Variants in FAM110B observed in about 807,000 individuals in gnomAD.
FAM110B encodes the protein family with sequence similarity 110 member B, also known as protein FAM110B.
A neutral mutation model predicts 20.4 loss-of-function variants in FAM110B; 6 were observed. The ratio of observed to expected loss-of-function variants is 0.29; its 90% CI spans 0.16 to 0.58. The LOEUF (loss-of-function observed/expected upper bound fraction) is 0.58, where lower values mean the gene tolerates loss of function less well. Ranked by LOEUF, FAM110B falls within the 20% of genes least tolerant of loss-of-function variation. The probability of loss-of-function intolerance (pLI) is 0.90; values close to 1 mark genes in which losing one functional copy is unlikely to be tolerated. For synonymous variants in FAM110B, 226 were observed against 214.1 expected (o/e 1.06, Z -0.49); for missense variants, 434 against 498.2 (o/e 0.87, Z 1.23).
At chr8:58,101,382 A>G (rs1044921498) in intron 3 of FAM110B, among the ~76,000 whole-genome samples, 2 of 152,184 alleles carry the variant, frequency 1.3e-5, no homozygotes, top group Non-Finnish European at 2.9e-5. Context: ...TCATTCATGT[A>G]CTTGCAGGGT....
rs138142337 is a variant in FAM110B at position 58,146,655 on chromosome 8, G to A, written c.425G>A (p.Arg142His). Residue 142 changes from arginine to histidine, a missense_variant, in exon 4 of 4, where the codon CGC (arginine) becomes CAC (histidine). Physicochemically the swap from Arg to His is conservative, Grantham distance 29. This residue lies in a region of FAM110B where 284 missense variants were observed against 278.3 expected (regional missense o/e 1.02). Transcript: ENST00000519262. ...GGCTCGGGGCACAAGCACAGCTCCC[G>A]CAACTGGCCGCCCCACCGGTCGGAA... is the stretch of plus-strand genomic sequence containing the variant. ...SSGSGHKHSS[R>H]NWPPHRSEAT... The A allele has an allele frequency of 4.3e-5, 70 of 1,612,862 alleles. No homozygotes were observed. The African/African-American group carries it at 8.0e-4, about 18-fold the overall frequency.
chr8:58,146,766 C>T lies in FAM110B; in HGVS notation c.536C>T (p.Ser179Phe), dbSNP rs1362282854. 9 of 1,611,626 alleles carry T rather than the reference C, an allele frequency of 5.6e-6. No individual in the cohort carries two copies. The highest frequency in any genetic ancestry group is 7.6e-6 in the Non-Finnish European group (9 of 1,178,812). Residue 179 changes from serine (S) to phenylalanine (F), a missense_variant, in exon 4 of 4, where the codon TCC becomes TTC. Physicochemically the swap from Ser to Phe is radical, Grantham distance 155. Around this residue, in one of 3 missense-constraint regions of FAM110B, gnomAD observed 284 missense variants for 278.3 expected, o/e 1.02. Coordinates refer to ENST00000519262, the MANE Select transcript of FAM110B (RefSeq NM_001377989.1). The stretch of plus-strand genomic sequence containing the variant: ...CGCAGGAGCCCGCAGGAGGGCGGCT[C>T]CCACGTGGGCAGGAGACTGCTGGAG... ...QGRRSPQEGG[S>F]HVGRRLLEQS...
At chr8:58,066,790 C>G (rs1422958678) in intron 2 of FAM110B, among the ~76,000 whole-genome samples, 2 of 152,204 alleles carry the variant, frequency 1.3e-5, no homozygotes, top group East Asian at 3.9e-4. Context: ...GGCTTGAGGT[C>G]CCCTGATAGA....
chr8:58,140,260 C>T (rs1269276903), intron 3 of FAM110B, among the ~76,000 whole-genome samples: 2 of 152,166 alleles, frequency 1.3e-5, no homozygotes, highest in Non-Finnish European at 2.9e-5. Flanking sequence ...GCCTCTTAAA[C>T]ATCTCTTGAA....
At chr8:58,099,298 C>T (rs903464155) in intron 3 of FAM110B, among the ~76,000 whole-genome samples, 1 of 151,852 alleles carries the variant, frequency 6.6e-6, no homozygotes, top group South Asian at 2.1e-4. Context: ...GATGAGCACC[C>T]AAATGCCGCT....
chr8:58,044,624 C>G (rs1805287064), intron 2 of FAM110B, among the ~76,000 whole-genome samples: 2 of 152,168 alleles, frequency 1.3e-5, no homozygotes, highest in Admixed American at 6.5e-5. Context: ...ATGGATGTTA[C>G]ACTTAACAAA....
chr8:58,076,488 G>A (rs561846694), intron 3 of FAM110B, among the ~76,000 whole-genome samples: 7 of 152,240 alleles, frequency 4.6e-5, no homozygotes, highest in Non-Finnish European at 5.9e-5. Flanking sequence ...TTTTCCCCAC[G>A]TCCCCACCAC....
At chr8:58,019,573 C>T (rs1033092907) in intron 1 of FAM110B, among the ~76,000 whole-genome samples, 1 of 151,776 alleles carries the variant, frequency 6.6e-6, no homozygotes, top group Non-Finnish European at 1.5e-5. Flanking sequence ...TTCATTTAGC[C>T]GAAAACTTCT....
intron 3 of FAM110B, among the ~76,000 whole-genome samples, chr8:58,134,889 CT>C (rs1008857981): frequency 7.9e-5 from 12 of 152,198 alleles, no homozygotes; most frequent in African/African-American, 2.6e-4. Context: ...AAAATCAAGG[CT>C]TTTTTTCGTC....
chr8:58,088,760 C>G (rs1250171086), intron 3 of FAM110B, among the ~76,000 whole-genome samples: 2 of 152,296 alleles, frequency 1.3e-5, no homozygotes, highest in East Asian at 3.9e-4. Flanking sequence ...AAGTGATATT[C>G]TGTCCAAAAA....
At chr8:58,082,804 A>C (rs1416157122) in intron 3 of FAM110B, among the ~76,000 whole-genome samples, 2 of 149,630 alleles carry the variant, frequency 1.3e-5, no homozygotes, top group Non-Finnish European at 3.0e-5. Context: ...ACATCTCCTC[A>C]TTGGTAGATG....
At chr8:58,074,323 G>A (rs1330785474) in intron 2 of FAM110B, among the ~76,000 whole-genome samples, 3 of 152,052 alleles carry the variant, frequency 2.0e-5, no homozygotes, top group Non-Finnish European at 4.4e-5. Context: ...TTCCATCGGT[G>A]GGCCCGTCCA....
intron 1 of FAM110B, among the ~76,000 whole-genome samples, chr8:58,007,933 A>G (rs562870294): frequency 2.0e-5 from 3 of 152,206 alleles, no homozygotes; most frequent in Non-Finnish European, 4.4e-5. Context: ...TTCTTTACAT[A>G]TTTATACGTA....
At chr8:58,047,074 A>T (rs1432875541) in intron 2 of FAM110B, among the ~76,000 whole-genome samples, 1 of 152,204 alleles carries the variant, frequency 6.6e-6, no homozygotes, top group East Asian at 1.9e-4. Context: ...AATATTGGTG[A>T]TGATAGGGGA....
chr8:58,021,434 A>C (rs1191341549), intron 1 of FAM110B, among the ~76,000 whole-genome samples: 1 of 152,196 alleles, frequency 6.6e-6, no homozygotes, highest in Non-Finnish European at 1.5e-5. Flanking sequence ...GGAACTGCCC[A>C]ATCACATGTA....
chr8:58,094,966 G>A (rs947897589), intron 3 of FAM110B, among the ~76,000 whole-genome samples: 22 of 152,118 alleles, frequency 1.4e-4, no homozygotes, highest in African/African-American at 5.3e-4. Flanking sequence ...TTTCTTCATG[G>A]TATAGACTTG....
At chr8:58,083,012 TA>T (rs771811665) in intron 3 of FAM110B, among the ~76,000 whole-genome samples, 7,859 of 136,820 alleles carry the variant, frequency 0.057, 663 homozygotes, top group African/African-American at 0.19. Context: ...CCCTGATTCT[TA>T]AAAAAAAAAA....
intron 2 of FAM110B, among the ~76,000 whole-genome samples, chr8:58,068,315 A>G (rs1387497684): frequency 6.6e-6 from 1 of 152,190 alleles, no homozygotes; most frequent in Non-Finnish European, 1.5e-5. Flanking sequence ...AATTATCTCC[A>G]TCATATTTTT....
chr8:58,074,429 C>A (rs1429730473), intron 2 of FAM110B, among the ~76,000 whole-genome samples: 1 of 152,192 alleles, frequency 6.6e-6, no homozygotes, highest in Non-Finnish European at 1.5e-5. Flanking sequence ...GCTCCCCCTG[C>A]TGCCTGGGAT....
Sources: allele counts gnomAD v4.1 joint callset (sites outside exome capture counted in the v4.1 genomes callset), GRCh38; gene constraint gnomAD v4.1.1; regional missense constraint gnomAD v4.1.1; transcripts MANE v1.5; gene names NCBI Gene and HGNC (gene_info 2026-07-23, HGNC 2026-07-21).